FREM3: variants seen among roughly 807,000 people sequenced by gnomAD.
FREM3 encodes FRAS1 related extracellular matrix 3.
In FREM3, 105 loss-of-function variants were observed where a neutral mutation model predicts 129.1. The ratio of observed to expected loss-of-function variants is 0.81; its 90% CI spans 0.69 to 0.96. The LOEUF is 0.96. FREM3 is among the 40% of genes least tolerant of loss of function. The pLI, the probability that FREM3 is intolerant of heterozygous loss-of-function variation, is 0.00. For missense variants in FREM3, 2,593 were observed against 2,666.3 expected, an observed-to-expected ratio of 0.97 and a Z score of 0.61; for synonymous variants, 1,014 against 1,044.9, an observed-to-expected ratio of 0.97 and a Z score of 0.57.
intron 6 of FREM3, among the ~76,000 whole-genome samples, chr4:143,608,647 C>A (rs557853956): frequency 3.3e-5 from 5 of 152,218 alleles, no homozygotes; most frequent in African/African-American, 1.2e-4. Flanking sequence ...TTCTAATTAT[C>A]TGGGTAAAAT....
Position 143,697,860 on chromosome 4 carries a change from G to C in FREM3, c.2816C>G (p.Ala939Gly). 1 of 1,537,790 alleles carries C rather than the reference G, an allele frequency of 6.5e-7. No homozygotes were observed. Among genetic ancestry groups the C allele is most frequent in the Non-Finnish European group, 8.7e-7 (1 of 1,146,994 alleles). ...TIPISVHPNV[A>G]NRSPRISLRS... ...GAGAGAGATCCTAGGACTTCTGTTA[G>C]CCACATTGGGATGCACAGAAATTGG... Residue 939 changes from alanine (A) to glycine (G), a missense_variant, in exon 1 of 8, where the codon GCT (alanine) becomes GGT (glycine). Ala to Gly is a moderately conservative substitution (Grantham distance 60). This residue lies in a region of FREM3 where 2,276 missense variants were observed against 2,267.2 expected (regional missense o/e 1.00). Coordinates refer to ENST00000329798, the MANE Select transcript of FREM3 (RefSeq NM_001168235.2).
chr4:143,682,060 T>C (rs1185696854), intron 2 of FREM3, among the ~76,000 whole-genome samples: 1 of 152,108 alleles, frequency 6.6e-6, no homozygotes, highest in Non-Finnish European at 1.5e-5. Context: ...CTAAAATAAT[T>C]CACCAAAATA....
intron 2 of FREM3, among the ~76,000 whole-genome samples, chr4:143,675,967 G>A (rs1578864379): frequency 6.6e-6 from 1 of 152,220 alleles, no homozygotes; most frequent in South Asian, 2.1e-4. Context: ...GAGGTACAAG[G>A]AGGAGCTGGT....
intron 2 of FREM3, among the ~76,000 whole-genome samples, chr4:143,686,175 T>C (rs1435825038): frequency 1.3e-5 from 2 of 152,118 alleles, no homozygotes; most frequent in African/African-American, 4.8e-5. Flanking sequence ...GAGTAGCTAA[T>C]TCTTATATGA....
chr4:143,600,601 T>C (rs530530958), intron 6 of FREM3, among the ~76,000 whole-genome samples: 2 of 152,224 alleles, frequency 1.3e-5, no homozygotes, highest in Non-Finnish European at 2.9e-5. Context: ...GTCAGCATAA[T>C]GTGTCTAACA....
rs1214892639 is a variant in FREM3, at chr4:143,595,764, T to G, written c.6029-9771A>C. On this transcript the variant is annotated intron_variant, in intron 6 of 7. Transcript: ENST00000329798. The stretch of plus-strand genomic sequence containing the variant: ...TTAGCCAGGTGTGGTGGCAGGCTCC[T>G]GTAGTCCCAGTTACTTGGGAGGCTG... Among the ~76,000 whole-genome samples the G allele has an allele frequency of 2.6e-5, 4 of 152,114 alleles. No individual in the cohort carries two copies. The South Asian group carries it at 8.3e-4, about 32-fold the overall frequency.
chr4:143,603,526 T>G (rs1165688379), intron 6 of FREM3, among the ~76,000 whole-genome samples: 2 of 152,198 alleles, frequency 1.3e-5, no homozygotes, highest in Admixed American at 1.3e-4. Flanking sequence ...ATCCATTTAA[T>G]ACATTCTGTA....
intron 7 of FREM3, 117 bp from the exon 8 acceptor site, chr4:143,577,969 C>T: frequency 8.9e-7 from 1 of 1,128,270 alleles, no homozygotes; most frequent in Non-Finnish European, 1.2e-6. Context: ...CCAACACTCT[C>T]AGGATCATAT....
At chr4:143,677,781 A>G (rs527660273) in intron 2 of FREM3, among the ~76,000 whole-genome samples, 206 of 152,364 alleles carry the variant, frequency 1.4e-3, no homozygotes, top group African/African-American at 4.6e-3. Context: ...CAACAGACAT[A>G]TGAAAAAATG....
At chr4:143,662,662 T>C (rs1483178048) in intron 2 of FREM3, among the ~76,000 whole-genome samples, 9 of 152,090 alleles carry the variant, frequency 5.9e-5, no homozygotes, top group Non-Finnish European at 1.3e-4. Flanking sequence ...CTCATTGATC[T>C]GTCTAATGTT....
At chr4:143,603,588 AACTTAATG>A (rs1560841411) in intron 6 of FREM3, among the ~76,000 whole-genome samples, 2 of 152,200 alleles carry the variant, frequency 1.3e-5, no homozygotes, top group Admixed American at 1.3e-4. Context: ...ATAAAGGAAC[AACTTAATG>A]TAAATATGTT....
Position 143,655,691 on chromosome 4 carries a change from G to A in FREM3, c.5276-27931C>T, listed in dbSNP as rs868436877. On this transcript the variant is annotated intron_variant, in intron 2 of 7. Transcript: ENST00000329798. ...TTGAATTCGTATCAAAAACCATGTGGAAAAAAATAAATTCATTTCATCAGT... is the reference window on the plus strand; with the variant it reads ...TTGAATTCGTATCAAAAACCATGTGAAAAAAAATAAATTCATTTCATCAGT... Among the ~76,000 whole-genome samples, 17 of 152,178 alleles carry A rather than the reference G, an allele frequency of 1.1e-4. No individual in the cohort carries two copies. In the South Asian group the frequency reaches 3.1e-3, roughly 28 times the overall value.
Position 143,652,103 on chromosome 4 carries a change from T to C in FREM3, c.5276-24343A>G, listed in dbSNP as rs1007297249. 3.2e-4 allele frequency among the ~76,000 whole-genome samples: 38 copies of C among 117,048 alleles called. 10 individuals are homozygous for C. Among genetic ancestry groups the C allele is most frequent in the Non-Finnish European group, 6.0e-5 (3 of 49,922 alleles). 76.8% of individuals were successfully genotyped at this position (117,048 alleles called of 152,430 possible). Reference sequence around the variant, plus strand: ...GTTTTCCTGGTGTGCCCTAAATATATAAATTTAAAAATAACTATTCATTCA... The same window carrying C: ...GTTTTCCTGGTGTGCCCTAAATATACAAATTTAAAAATAACTATTCATTCA... On this transcript the variant is annotated intron_variant, in intron 2 of 7. Transcript: ENST00000329798.
At position 143,696,745 on chromosome 4, in the gene FREM3, C is replaced by G. The variant is rs1436587646; in HGVS notation, c.3931G>C (p.Val1311Leu). The G allele has an allele frequency of 2.0e-6, 3 of 1,537,870 alleles. No individual in the cohort carries two copies. In the Admixed American group the frequency reaches 5.9e-5, roughly 30 times the overall value. ...TTCTCTACCTTCAGCCCATTGTTGA[C>G]AGTCAGGTGAGGAGTTTCATCATCC... ...LVDDETPHLT[V>L]NNGLKVEKGH... Residue 1311 changes from valine to leucine, a missense_variant, in exon 1 of 8, where the codon GTC (valine) becomes CTC (leucine). Around this residue, in one of 2 missense-constraint regions of FREM3, gnomAD observed 2,276 missense variants for 2,267.2 expected, o/e 1.00. Transcript: ENST00000329798.
At chr4:143,599,852 C>T (rs770036770) in intron 6 of FREM3, among the ~76,000 whole-genome samples, 3 of 152,086 alleles carry the variant, frequency 2.0e-5, no homozygotes, top group Non-Finnish European at 2.9e-5. Context: ...TTGATACTAG[C>T]GCAGGATGTG....
At chr4:143,591,319 T>G (rs1334898283) in intron 6 of FREM3, among the ~76,000 whole-genome samples, 3 of 152,236 alleles carry the variant, frequency 2.0e-5, no homozygotes, top group Non-Finnish European at 2.9e-5. Flanking sequence ...CTAGTTCTTT[T>G]AATTGTGATG....
chr4:143,672,389 A>T (rs1740014971), intron 2 of FREM3, among the ~76,000 whole-genome samples: 1 of 152,238 alleles, frequency 6.6e-6, no homozygotes, highest in African/African-American at 2.4e-5. Flanking sequence ...TCTTGGAATA[A>T]ACTGCTGTCA....
chr4:143,590,774 C>T (rs981418307), intron 6 of FREM3, among the ~76,000 whole-genome samples: 1 of 152,060 alleles, frequency 6.6e-6, no homozygotes, highest in African/African-American at 2.4e-5. Flanking sequence ...GGGAGGATTC[C>T]CTCTTTTTCT....
intron 7 of FREM3, among the ~76,000 whole-genome samples, chr4:143,578,561 C>A (rs1407927979): frequency 6.6e-6 from 1 of 152,086 alleles, no homozygotes; most frequent in Non-Finnish European, 1.5e-5. Flanking sequence ...TAATGAGGAA[C>A]CCTGGCAGAT....
Sources: allele counts gnomAD v4.1 joint callset (sites outside exome capture counted in the v4.1 genomes callset), GRCh38; gene constraint gnomAD v4.1.1; regional missense constraint gnomAD v4.1.1; transcripts MANE v1.5; gene names NCBI Gene and HGNC (gene_info 2026-07-23, HGNC 2026-07-21).